Variants in CLASP2 observed in about 807,000 individuals in gnomAD.
CLASP2 encodes the protein cytoplasmic linker associated protein 2, also known as CLIP-associating protein 2.
Under a neutral mutation model 194.4 loss-of-function variants are expected in CLASP2, and 47 were observed. The ratio of observed to expected loss-of-function variants is 0.24; its 90% CI spans 0.19 to 0.31. CLASP2 has a LOEUF of 0.31. Ranked by LOEUF, CLASP2 falls within the 10% of genes least tolerant of loss-of-function variation. CLASP2 has a pLI of 1.00. For synonymous variants in CLASP2, 619 were observed against 633.5 expected (o/e 0.98, Z 0.34); for missense variants, 1,445 against 1,823.6 (o/e 0.79, Z 3.78).
intron 12 of CLASP2, among the ~76,000 whole-genome samples, chr3:33,618,461 C>T (rs1047890397): frequency 6.6e-6 from 1 of 151,828 alleles, no homozygotes; most frequent in African/African-American, 2.4e-5. Flanking sequence ...CCTGGGCCAA[C>T]ATGGTGAAAC....
At chr3:33,538,140 C>CA (rs56146913) in intron 33 of CLASP2, among the ~76,000 whole-genome samples, 75,288 of 142,836 alleles carry the variant, frequency 0.53, 20,345 homozygotes, top group African/African-American at 0.7. Flanking sequence ...GACTCCGTCT[C>CA]AAAAAAAAAA....
rs570727511 is a variant in CLASP2, at chr3:33,547,926, C to T, written c.3154-3085G>A. ...ACCTCAGCCTCCTGAGTAGCTGGGA[C>T]TACAGGTGTATGCCACCACACTCAA... On this transcript the variant is annotated intron_variant, in intron 30 of 38. Coordinates refer to ENST00000682230, the MANE Select transcript of CLASP2 (RefSeq NM_001365631.1). Among the ~76,000 whole-genome samples the T allele has an allele frequency of 9.9e-5, 15 of 151,662 alleles. 1 individual carries two copies. Among genetic ancestry groups the T allele is most frequent in the Admixed American group, 9.9e-4 (15 of 15,172 alleles).
chr3:33,578,980 C>A (rs543930194), intron 23 of CLASP2, among the ~76,000 whole-genome samples: 4 of 152,140 alleles, frequency 2.6e-5, no homozygotes, highest in African/African-American at 9.6e-5. Context: ...GGGATTCCAC[C>A]AAAGAAACAA....
chr3:33,682,492 T>A (rs1410012022), intron 6 of CLASP2, among the ~76,000 whole-genome samples: 1 of 152,176 alleles, frequency 6.6e-6, no homozygotes, highest in Non-Finnish European at 1.5e-5. Context: ...ACTTGAGTAT[T>A]TGTTTGAAAT....
intron 16 of CLASP2, among the ~76,000 whole-genome samples, chr3:33,606,279 A>T (rs938760203): frequency 1.3e-5 from 2 of 152,182 alleles, no homozygotes; most frequent in African/African-American, 4.8e-5. Flanking sequence ...CAATTCCTCC[A>T]TTAAATGGGC....
chr3:33,624,791 T>C (rs539923380), intron 10 of CLASP2, among the ~76,000 whole-genome samples: 15 of 152,220 alleles, frequency 9.9e-5, no homozygotes, highest in Admixed American at 3.9e-4. Flanking sequence ...ACTGAAACCA[T>C]AGATAAGGGG....
At chr3:33,512,772 G>A (rs781071334) in intron 36 of CLASP2, among the ~76,000 whole-genome samples, 2 of 149,694 alleles carry the variant, frequency 1.3e-5, no homozygotes, top group Admixed American at 1.3e-4. Context: ...GGCAGATCAC[G>A]AGGTCAGGAG....
intron 6 of CLASP2, among the ~76,000 whole-genome samples, chr3:33,677,760 GAAA>G (rs550751096): frequency 7.1e-6 from 1 of 141,186 alleles, no homozygotes; most frequent in Non-Finnish European, 1.5e-5. Context: ...CTTGCTGCCT[GAAA>G]AAAAAAAATT....
At chr3:33,569,675 CTTCT>C (rs1332889034) in intron 26 of CLASP2, among the ~76,000 whole-genome samples, 2 of 152,012 alleles carry the variant, frequency 1.3e-5, no homozygotes, top group Non-Finnish European at 2.9e-5. Flanking sequence ...AATGTATTTT[CTTCT>C]TTGTCTTTTA....
rs768352840 is a variant in CLASP2 at position 33,497,638 on chromosome 3, T to G, written c.*993A>C. On this transcript the variant is annotated 3_prime_UTR_variant, in exon 39 of 39. Coordinates refer to ENST00000682230, the MANE Select transcript of CLASP2 (RefSeq NM_001365631.1). ...AATATTTTCAAGTAAGACAATTTCA[T>G]GGTAAAAGGAAACCAGGTTCCACCA... The G allele has an allele frequency of 6.6e-6, 1 of 152,560 alleles. No homozygotes were observed. Among genetic ancestry groups the G allele is most frequent in the Non-Finnish European group, 1.5e-5 (1 of 68,020 alleles). 9.5% of individuals were successfully genotyped at this position (152,560 alleles called of 1,614,324 possible).
At chr3:33,584,629 A>T in intron 22 of CLASP2, 121 bp downstream of exon 22, 1 of 908,138 alleles carries the variant, frequency 1.1e-6, no homozygotes, top group Non-Finnish European at 1.6e-6. Flanking sequence ...TTGAATTTTT[A>T]AGTTATTTTC....
At chr3:33,713,648 T>C (rs1455520247) in intron 1 of CLASP2, among the ~76,000 whole-genome samples, 1 of 152,156 alleles carries the variant, frequency 6.6e-6, no homozygotes, top group Non-Finnish European at 1.5e-5. Context: ...AGCCCTGCAC[T>C]ACATAGCGCT....
intron 37 of CLASP2, chr3:33,502,184 A>C (rs2047005960): frequency 6.5e-6 from 1 of 154,866 alleles, no homozygotes; most frequent in Non-Finnish European, 1.4e-5. Context: ...GGCCCGATTA[A>C]GTTTTACATC....
Position 33,689,915 on chromosome 3 carries a change from C to G in CLASP2, c.292G>C (p.Asp98His), listed in dbSNP as rs1366131912. 4 of 1,586,838 alleles carry G rather than the reference C, an allele frequency of 2.5e-6. No homozygotes were observed. Among genetic ancestry groups the G allele is most frequent in the Non-Finnish European group, 3.4e-6 (4 of 1,167,426 alleles). Residue 98 changes from aspartate (D) to histidine (H), a missense_variant, in exon 3 of 39, where the codon GAC becomes CAC. Asp to His is a moderately conservative substitution (Grantham distance 81). Coordinates refer to ENST00000682230, the MANE Select transcript of CLASP2 (RefSeq NM_001365631.1). ...TTGTCTTTGGCATCTCCCATTCTGT[C>G]TATTAAAGCTACAATAACTAAAGAA... ...YVAMVIVALI[D>H]RMGDAKDKVR... is the part of the protein sequence containing the mutation.
At chr3:33,613,365 T>A (rs1182895674) in intron 12 of CLASP2, among the ~76,000 whole-genome samples, 1 of 152,148 alleles carries the variant, frequency 6.6e-6, no homozygotes, top group Non-Finnish European at 1.5e-5. Context: ...TCCACATCAA[T>A]CAGTTATTGG....
intron 7 of CLASP2, among the ~76,000 whole-genome samples, chr3:33,656,373 A>C (rs1298280194): frequency 6.6e-6 from 1 of 152,250 alleles, no homozygotes; most frequent in African/African-American, 2.4e-5. Context: ...TCTACAGAGA[A>C]GGAAATATAA....
chr3:33,580,390 C>T (rs1041850982), intron 23 of CLASP2, among the ~76,000 whole-genome samples: 4 of 151,928 alleles, frequency 2.6e-5, no homozygotes, highest in Non-Finnish European at 5.9e-5. Flanking sequence ...TCATGAAACC[C>T]CATCTCTACT....
chr3:33,538,158 C>T (rs2057728240), intron 33 of CLASP2, among the ~76,000 whole-genome samples: 1 of 150,508 alleles, frequency 6.6e-6, no homozygotes, highest in South Asian at 2.1e-4. Flanking sequence ...AAAAAAGACT[C>T]AATGTGATCT....
intron 8 of CLASP2, 47 bp downstream of exon 8, chr3:33,644,710 C>T (rs760641994): frequency 3.7e-6 from 6 of 1,600,512 alleles, no homozygotes; most frequent in Non-Finnish European, 5.1e-6. Context: ...GTGGCCATAT[C>T]AAGGGCATGG....
Sources: allele counts gnomAD v4.1 joint callset (sites outside exome capture counted in the v4.1 genomes callset), GRCh38; gene constraint gnomAD v4.1.1; transcripts MANE v1.5; gene names NCBI Gene and HGNC (gene_info 2026-07-23, HGNC 2026-07-21).